Variants in CCDC141 observed in about 807,000 individuals in gnomAD.
CCDC141 encodes coiled-coil domain containing 141.
In CCDC141, 168 loss-of-function variants were observed where a neutral mutation model predicts 181.0. That is an observed-to-expected ratio of 0.93 (90% CI 0.82 to 1.05). The LOEUF (loss-of-function observed/expected upper bound fraction) is 1.05, where lower values mean the gene tolerates loss of function less well. Ranked by LOEUF, CCDC141 falls within the 50% of genes least tolerant of loss-of-function variation. The probability of loss-of-function intolerance (pLI) is 0.00; values close to 1 mark genes in which losing one functional copy is unlikely to be tolerated. For synonymous variants in CCDC141, 666 were observed against 642.3 expected (o/e 1.04, Z -0.56); for missense variants, 1,902 against 1,788.5 (o/e 1.06, Z -1.14).
At chr2:179,015,911 A>G (rs182811489) in intron 2 of CCDC141, among the ~76,000 whole-genome samples, 1 of 133,372 alleles carries the variant, frequency 7.5e-6, no homozygotes, top group Non-Finnish European at 1.5e-5. Flanking sequence ...TATCATATAT[A>G]TCTCATATAT....
At chr2:178,817,274 CAT>C in the CCDC141 span, among the ~76,000 whole-genome samples, 122 of 152,230 alleles carry the variant, frequency 8.0e-4, 2 homozygotes, top group East Asian at 0.017. Flanking sequence ...AAATGTGCCA[CAT>C]GTTTATTTCT....
chr2:178,880,980 G>A (rs1686576389), intron 11 of CCDC141, among the ~76,000 whole-genome samples: 1 of 152,188 alleles, frequency 6.6e-6, no homozygotes, highest in Admixed American at 6.5e-5. Flanking sequence ...TGGAGCTCAT[G>A]ACAGTTGGGG....
At chr2:178,925,355 T>C (rs1241345849) in intron 6 of CCDC141, among the ~76,000 whole-genome samples, 2 of 152,200 alleles carry the variant, frequency 1.3e-5, no homozygotes, top group African/African-American at 2.4e-5. Flanking sequence ...GGCCACTGAG[T>C]GGACCCACTA....
At chr2:178,943,154 G>A (rs1346976350) in intron 6 of CCDC141, among the ~76,000 whole-genome samples, 1 of 151,992 alleles carries the variant, frequency 6.6e-6, no homozygotes, top group Non-Finnish European at 1.5e-5. Flanking sequence ...TCTTGTGCTT[G>A]GCATTTGGGG....
intron 2 of CCDC141, among the ~76,000 whole-genome samples, chr2:178,995,816 T>G (rs932223183): frequency 2.6e-5 from 4 of 152,186 alleles, no homozygotes; most frequent in African/African-American, 9.6e-5. Context: ...CCTAGCTATT[T>G]AAGAGCATAA....
intron 7 of CCDC141, among the ~76,000 whole-genome samples, chr2:178,910,145 C>T (rs1330507011): frequency 6.6e-6 from 1 of 152,150 alleles, no homozygotes; most frequent in Non-Finnish European, 1.5e-5. Context: ...GCAGCCTGCA[C>T]CAAATCAAAT....
chr2:179,045,285 A>C (rs1390456440), intron 2 of CCDC141, among the ~76,000 whole-genome samples: 1 of 134,510 alleles, frequency 7.4e-6, no homozygotes, highest in African/African-American at 2.7e-5. Flanking sequence ...TTCTTGCCAT[A>C]GTTTACTGAG....
At chr2:178,858,473 TA>T (rs1167279697) in intron 17 of CCDC141, among the ~76,000 whole-genome samples, 3 of 152,136 alleles carry the variant, frequency 2.0e-5, no homozygotes, top group Non-Finnish European at 4.4e-5. Context: ...ATTATTGTTT[TA>T]AAAAACATCT....
At chr2:178,983,465 G>A (rs1691546042) in intron 2 of CCDC141, among the ~76,000 whole-genome samples, 1 of 152,134 alleles carries the variant, frequency 6.6e-6, no homozygotes, top group Non-Finnish European at 1.5e-5. Context: ...GCTGGATGGA[G>A]AATGACTTTG....
intron 2 of CCDC141, among the ~76,000 whole-genome samples, chr2:179,030,207 A>G (rs1239881091): frequency 1.3e-5 from 2 of 152,100 alleles, no homozygotes; most frequent in African/African-American, 4.8e-5. Context: ...ATAAATTAAT[A>G]CCAAAAACAA....
intron 17 of CCDC141, among the ~76,000 whole-genome samples, chr2:178,864,386 A>T (rs1205295436): frequency 6.6e-6 from 1 of 152,180 alleles, no homozygotes; most frequent in East Asian, 1.9e-4. Context: ...ACAAGATGTG[A>T]TTGACGTGTA....
chr2:178,823,277 G>A, the CCDC141 span, among the ~76,000 whole-genome samples: 2 of 152,124 alleles, frequency 1.3e-5, no homozygotes, highest in Non-Finnish European at 2.9e-5. Context: ...GTTTGAATGA[G>A]ATAATCAGAT....
At chr2:178,891,828 C>T (rs977850901) in intron 8 of CCDC141, among the ~76,000 whole-genome samples, 2 of 151,952 alleles carry the variant, frequency 1.3e-5, no homozygotes, top group Admixed American at 6.6e-5. Context: ...GATTCTGTCT[C>T]ATTTTGTGGT....
At chr2:178,877,849 G>C in intron 12 of CCDC141, 115 bp downstream of exon 12, 1 of 991,790 alleles carries the variant, frequency 1.0e-6, no homozygotes, top group Non-Finnish European at 1.6e-6. Context: ...TGAAGCTAAA[G>C]AGAACTCCCT....
intron 21 of CCDC141, 24 bp from the exon 22 acceptor site, chr2:178,845,766 G>T: frequency 2.1e-6 from 3 of 1,410,872 alleles, no homozygotes; most frequent in South Asian, 2.3e-5. Context: ...CAGTTAGTGA[G>T]AGCATGAGCC....
In CCDC141 at chr2:178,962,680, C is replaced by T. The variant is rs577402078; in HGVS notation, c.527-1197G>A. The stretch of plus-strand genomic sequence containing the variant: ...CTTTCCTCTGTCTCTCTCACACACA[C>T]ACGCATGCACACACACTCACACTTA... On this transcript the variant is annotated intron_variant, in intron 4 of 23. Coordinates refer to ENST00000443758, the MANE Select transcript of CCDC141 (RefSeq NM_173648.4). Among the ~76,000 whole-genome samples the T allele has an allele frequency of 5.3e-5, 8 of 151,612 alleles. 1 individual carries two copies. In the South Asian group the frequency reaches 8.4e-4, roughly 16 times the overall value.
chr2:178,908,446 C>T (rs1396098255), intron 7 of CCDC141, among the ~76,000 whole-genome samples: 1 of 152,128 alleles, frequency 6.6e-6, no homozygotes, highest in Non-Finnish European at 1.5e-5. Context: ...CCTGCGTCGG[C>T]CTCCCAAAGT....
At chr2:178,820,588 C>G in the CCDC141 span, among the ~76,000 whole-genome samples, 48 of 152,218 alleles carry the variant, frequency 3.2e-4, no homozygotes, top group Middle Eastern at 6.8e-3. Flanking sequence ...TTTGTAATTA[C>G]TTTACATGCA....
downstream of CCDC141, among the ~76,000 whole-genome samples, chr2:178,828,473 G>C (rs1398741615): frequency 6.6e-6 from 1 of 152,184 alleles, no homozygotes; most frequent in Non-Finnish European, 1.5e-5. Context: ...ACCAGAATGT[G>C]ATAAGAAATA....
Sources: allele counts gnomAD v4.1 joint callset (sites outside exome capture counted in the v4.1 genomes callset), GRCh38; gene constraint gnomAD v4.1.1; transcripts MANE v1.5; gene names NCBI Gene and HGNC (gene_info 2026-07-23, HGNC 2026-07-21).